DZANK1: variants seen among roughly 807,000 people sequenced by gnomAD.
DZANK1 encodes double zinc ribbon and ankyrin repeat-containing protein 1.
DZANK1 carries 91 observed loss-of-function variants against 94.5 expected under a neutral mutation model. The ratio of observed to expected loss-of-function variants is 0.96; its 90% CI spans 0.81 to 1.15. The LOEUF is 1.15. Among genes scored for constraint, DZANK1 ranks in the 50% most tolerant of loss-of-function variants. The pLI is 0.00. For synonymous variants in DZANK1, 312 were observed against 325.3 expected, an observed-to-expected ratio of 0.96 and a Z score of 0.44; for missense variants, 903 against 916.4, an observed-to-expected ratio of 0.99 and a Z score of 0.19.
Position 18,385,033 on chromosome 20 carries a change from GCT to G in DZANK1, c.2074_2075del (p.Ser692HisfsTer31). 1 of 1,552,748 alleles carries G rather than the reference GCT, an allele frequency of 6.4e-7. No homozygotes were observed. Among genetic ancestry groups the G allele is most frequent in the South Asian group, 1.2e-5 (1 of 84,094 alleles). On this transcript the variant is annotated frameshift_variant, in exon 20 of 21. Transcript: ENST00000262547. LOFTEE classifies it high-confidence loss of function. ...GGACATACCCCAGTAAAGTGGCGGTGCTCTCTCTTCCTGCAAGGCCAAGCAGA... is the reference window on the plus strand; with the variant it reads ...GGACATACCCCAGTAAAGTGGCGGTGCTCTCTTCCTGCAAGGCCAAGCAGA...
At chr20:18,433,806 C>G (rs1462845114) in intron 8 of DZANK1, 41 bp from the exon 9 acceptor site, 1 of 1,549,186 alleles carries the variant, frequency 6.5e-7, no homozygotes, top group South Asian at 1.1e-5. Context: ...CACATAAAAA[C>G]TGAAGGTATG....
At chr20:18,433,600 CA>C (rs1368171820) in intron 9 of DZANK1, 51 bp downstream of exon 9, 5 of 1,540,576 alleles carry the variant, frequency 3.2e-6, no homozygotes, top group Non-Finnish European at 4.5e-6. Context: ...TATACCTGTT[CA>C]AACATTACTA....
At chr20:18,397,169 G>A (rs999685679) in intron 14 of DZANK1, among the ~76,000 whole-genome samples, 8 of 152,132 alleles carry the variant, frequency 5.3e-5, no homozygotes, top group East Asian at 1.9e-4. Context: ...ATTGGGCAGC[G>A]GGCCAGATTT....
intron 10 of DZANK1, chr20:18,420,599 G>GA (rs1219447180): frequency 8.8e-6 from 2 of 226,444 alleles, no homozygotes; most frequent in Non-Finnish European, 1.9e-5. Flanking sequence ...GGCACTGCCT[G>GA]AAAAAATGGG....
At chr20:18,390,195 T>C (rs188179369) in intron 18 of DZANK1, among the ~76,000 whole-genome samples, 184 bp downstream of exon 18, 2 of 152,354 alleles carry the variant, frequency 1.3e-5, no homozygotes, top group East Asian at 3.9e-4. Context: ...TTCTCTGATA[T>C]AAAAACTAGC....
chr20:18,465,776 C>G (rs924269485), intron 1 of DZANK1, among the ~76,000 whole-genome samples: 11 of 152,150 alleles, frequency 7.2e-5, no homozygotes, highest in Non-Finnish European at 1.6e-4. Flanking sequence ...AGTCATCATA[C>G]AAGGGGAACA....
intron 5 of DZANK1, 87 bp from the exon 6 acceptor site, chr20:18,452,826 A>G: frequency 7.4e-7 from 1 of 1,346,150 alleles, no homozygotes; most frequent in South Asian, 1.6e-5. Flanking sequence ...GAGACCTTTT[A>G]ATAAAGAACC....
intron 4 of DZANK1, 82 bp downstream of exon 4, chr20:18,455,165 A>G (rs1223083140): frequency 1.9e-6 from 2 of 1,030,150 alleles, no homozygotes; most frequent in Non-Finnish European, 2.9e-6. Context: ...AGGTAAGGTA[A>G]TAAAAGGCAA....
rs184912155 is a variant in DZANK1 at position 18,461,820 on chromosome 20, G to A, written c.110-1514C>T. Among the ~76,000 whole-genome samples, 133 of 152,080 alleles carry A rather than the reference G, an allele frequency of 8.7e-4. 1 individual carries two copies. The highest frequency in any genetic ancestry group is 2.8e-3 in the African/African-American group (115 of 41,486). ...TTGCCATGTTGGCCAAGGTGGTCTC[G>A]AACTCCTGACCTCAGGTGATCTGCC... On this transcript the variant is annotated intron_variant, in intron 2 of 20. Coordinates refer to ENST00000262547, the Ensembl canonical transcript of DZANK1.
At chr20:18,450,887 G>A (rs554608555) in intron 6 of DZANK1, among the ~76,000 whole-genome samples, 1 of 152,106 alleles carries the variant, frequency 6.6e-6, no homozygotes. Context: ...GGCAACTAGT[G>A]TAAGAGCATC....
intron 13 of DZANK1, among the ~76,000 whole-genome samples, chr20:18,411,704 A>C (rs1266870775): frequency 6.6e-6 from 1 of 152,248 alleles, no homozygotes; most frequent in Non-Finnish European, 1.5e-5. Flanking sequence ...AAAAGTCTTC[A>C]AGAAAATACT....
At chr20:18,464,440 A>C (rs947924465) in intron 2 of DZANK1, among the ~76,000 whole-genome samples, 1 of 152,104 alleles carries the variant, frequency 6.6e-6, no homozygotes, top group South Asian at 2.1e-4. Flanking sequence ...TACATACACG[A>C]ACCTATTTAT....
At chr20:18,432,612 T>C (rs961270261) in intron 9 of DZANK1, 1 of 152,244 alleles carries the variant, frequency 6.6e-6, no homozygotes, top group South Asian at 2.1e-4. Flanking sequence ...AGTGGATTTA[T>C]CTTTTCTCTG....
At chr20:18,444,790 ATTTG>A (rs1008897404) in intron 7 of DZANK1, among the ~76,000 whole-genome samples, 6 of 152,016 alleles carry the variant, frequency 3.9e-5, no homozygotes, top group East Asian at 1.9e-4. Flanking sequence ...CCAACTTTAT[ATTTG>A]TTTGTTTATT....
At chr20:18,431,593 CCTT>C in intron 9 of DZANK1, among the ~76,000 whole-genome samples, 2 of 152,322 alleles carry the variant, frequency 1.3e-5, no homozygotes, top group South Asian at 4.1e-4. Context: ...AAACAGATGT[CCTT>C]CTGTGAGTAG....
At chr20:18,426,691 T>C (rs1172152361) in intron 10 of DZANK1, among the ~76,000 whole-genome samples, 3 of 152,142 alleles carry the variant, frequency 2.0e-5, no homozygotes, top group Admixed American at 6.6e-5. Flanking sequence ...AAAAGCAGTG[T>C]GCATACAGAG....
At chr20:18,453,957 C>A (rs761330039) in intron 4 of DZANK1, 130 bp from the exon 5 acceptor site, 30 of 779,418 alleles carry the variant, frequency 3.8e-5, no homozygotes, top group South Asian at 3.8e-4. Flanking sequence ...TACAAAGTGA[C>A]CCCTGTTTCA....
chr20:18,464,667 C>CTTTT (rs1167738427), intron 2 of DZANK1, among the ~76,000 whole-genome samples: 4 of 77,824 alleles, frequency 5.1e-5, no homozygotes, highest in Non-Finnish European at 9.6e-5. Context: ...AGCACCGGGA[C>CTTTT]TTTTTTTTTT....
At chr20:18,393,670 G>T in intron 17 of DZANK1, 41 bp downstream of exon 17, 1 of 1,301,396 alleles carries the variant, frequency 7.7e-7, no homozygotes, top group Non-Finnish European at 1.1e-6. Flanking sequence ...AAAATCACAG[G>T]CTGAAGACAA....
Sources: gnomAD v4.1 joint callset for allele counts (sites outside exome capture counted in the v4.1 genomes callset) on GRCh38, gnomAD v4.1.1 for gene constraint, MANE v1.5 for transcripts, NCBI Gene and HGNC (gene_info 2026-07-23, HGNC 2026-07-21) for gene names.